MACROD2: variants seen among roughly 807,000 people sequenced by gnomAD.
The protein encoded by MACROD2 is ADP-ribose glycohydrolase MACROD2.
MACROD2 carries 36 observed loss-of-function variants against 70.4 expected under a neutral mutation model. That is an observed-to-expected ratio of 0.51 (90% CI 0.39 to 0.68). The LOEUF is 0.68. MACROD2 is among the 30% of genes least tolerant of loss of function. MACROD2 has a pLI of 0.00. For synonymous variants in MACROD2, 172 were observed against 178.8 expected (o/e 0.96, Z 0.30); for missense variants, 496 against 538.4 (o/e 0.92, Z 0.78).
chr20:15,369,806 TCAAA>T (rs571432091), intron 6 of MACROD2, among the ~76,000 whole-genome samples: 176 of 152,210 alleles, frequency 1.2e-3, no homozygotes, highest in African/African-American at 4.1e-3. Context: ...TTCTTTTTCC[TCAAA>T]CAAACAAATC....
intron 5 of MACROD2, among the ~76,000 whole-genome samples, chr20:14,705,023 T>C (rs1028916653): frequency 6.6e-6 from 1 of 152,034 alleles, no homozygotes; most frequent in Non-Finnish European, 1.5e-5. Context: ...ATTCAGATAG[T>C]AAAATGATTA....
chr20:14,816,703 T>C (rs747094782), intron 5 of MACROD2, among the ~76,000 whole-genome samples: 9 of 152,028 alleles, frequency 5.9e-5, no homozygotes, highest in Non-Finnish European at 1.2e-4. Flanking sequence ...TATGATACAA[T>C]TCAGCAAGGA....
rs557293953 is a variant in MACROD2 at position 15,951,712 on chromosome 20, C to T, written c.907+14168C>T. ...TTTTGAGAACAAACACAAATATGTG[C>T]AAGGCGATATTTCTCCCAGCCTGAC... On this transcript the variant is annotated intron_variant, in intron 12 of 17. Coordinates refer to ENST00000684519, the MANE Select transcript of MACROD2 (RefSeq NM_001351661.2). Among the ~76,000 whole-genome samples, 3 of 152,176 alleles carry T rather than the reference C, an allele frequency of 2.0e-5. No homozygotes were observed. In the South Asian group the frequency reaches 6.2e-4, roughly 32 times the overall value.
chr20:15,299,774 C>T (rs962206907), intron 6 of MACROD2, among the ~76,000 whole-genome samples: 1 of 152,160 alleles, frequency 6.6e-6, no homozygotes, highest in Non-Finnish European at 1.5e-5. Context: ...TAGCAGGACC[C>T]AGTTTGAGAT....
At chr20:15,661,721 A>C (rs561866439) in intron 8 of MACROD2, among the ~76,000 whole-genome samples, 32 of 152,280 alleles carry the variant, frequency 2.1e-4, no homozygotes, top group African/African-American at 7.7e-4. Flanking sequence ...CCACATCAAA[A>C]AATTGTCTGC....
chr20:15,270,193 G>A (rs6034140), intron 6 of MACROD2, among the ~76,000 whole-genome samples: 1,505 of 145,504 alleles, frequency 0.01, 22 homozygotes, highest in African/African-American at 0.036. Context: ...AAGTGTTTTC[G>A]GTCGCTTTAT....
chr20:15,632,711 G>A (rs1568941246), intron 8 of MACROD2, among the ~76,000 whole-genome samples: 1 of 152,060 alleles, frequency 6.6e-6, no homozygotes, highest in Non-Finnish European at 1.5e-5. Flanking sequence ...TCTTAGAATG[G>A]GGTCTGTCTT....
intron 3 of MACROD2, among the ~76,000 whole-genome samples, chr20:14,470,960 C>T (rs1474813831): frequency 6.6e-6 from 1 of 152,152 alleles, no homozygotes; most frequent in East Asian, 1.9e-4. Context: ...ATTCGAGGTG[C>T]CACTGGGGTA....
intron 8 of MACROD2, among the ~76,000 whole-genome samples, chr20:15,557,873 T>C (rs1600587093): frequency 6.6e-6 from 1 of 152,076 alleles, no homozygotes; most frequent in African/African-American, 2.4e-5. Flanking sequence ...CCTTTGTTCA[T>C]CCCCAGCCAT....
chr20:15,837,049 A>C (rs1330823457), intron 8 of MACROD2, among the ~76,000 whole-genome samples: 2 of 152,174 alleles, frequency 1.3e-5, no homozygotes, highest in African/African-American at 4.8e-5. Context: ...AGCTGTGTGC[A>C]CCAGCACACA....
At chr20:14,803,477 T>G (rs1171362388) in intron 5 of MACROD2, among the ~76,000 whole-genome samples, 1 of 151,956 alleles carries the variant, frequency 6.6e-6, no homozygotes, top group Non-Finnish European at 1.5e-5. Flanking sequence ...TATAGTATAT[T>G]TTGTTCTTTT....
chr20:15,064,648 A>G (rs895494933), intron 5 of MACROD2, among the ~76,000 whole-genome samples: 11 of 152,186 alleles, frequency 7.2e-5, no homozygotes, highest in African/African-American at 2.7e-4. Flanking sequence ...CACTCCACGC[A>G]TAGCAATCTC....
At chr20:14,027,024 GTCGACAGACACC>G (rs1241611551) in intron 2 of MACROD2, among the ~76,000 whole-genome samples, 1 of 152,198 alleles carries the variant, frequency 6.6e-6, no homozygotes, top group African/African-American at 2.4e-5. Flanking sequence ...CCCAGCAGGG[GTCGACAGACACC>G]TCATACAGGA....
At chr20:14,097,809 A>G (rs1183974069) in intron 3 of MACROD2, among the ~76,000 whole-genome samples, 8 of 152,214 alleles carry the variant, frequency 5.3e-5, no homozygotes, top group Non-Finnish European at 1.2e-4. Context: ...TTATGTTCAT[A>G]TACACCTTAT....
chr20:15,355,478 T>C (rs1195222601), intron 6 of MACROD2, among the ~76,000 whole-genome samples: 1 of 152,228 alleles, frequency 6.6e-6, no homozygotes, highest in African/African-American at 2.4e-5. Flanking sequence ...AGCACATCAA[T>C]GCATACACCA....
chr20:15,460,609 C>T (rs1372205497), intron 7 of MACROD2, among the ~76,000 whole-genome samples: 1 of 152,178 alleles, frequency 6.6e-6, no homozygotes, highest in Non-Finnish European at 1.5e-5. Context: ...GTAGCTGCTT[C>T]CTGCTTTGAC....
chr20:14,160,207 T>C (rs935374284), intron 3 of MACROD2, among the ~76,000 whole-genome samples: 13 of 152,198 alleles, frequency 8.5e-5, no homozygotes, highest in African/African-American at 3.1e-4. Context: ...TTTCTCCGGT[T>C]TTGGAATCAG....
chr20:14,928,931 A>G (rs1445405884), intron 5 of MACROD2, among the ~76,000 whole-genome samples: 1 of 152,118 alleles, frequency 6.6e-6, no homozygotes, highest in Admixed American at 6.6e-5. Flanking sequence ...AGTCAGCCAT[A>G]TTTGTTGCTT....
At chr20:14,747,821 G>A (rs1300204842) in intron 5 of MACROD2, among the ~76,000 whole-genome samples, 1 of 151,668 alleles carries the variant, frequency 6.6e-6, no homozygotes, top group African/African-American at 2.4e-5. Flanking sequence ...TCAAATGGAA[G>A]AGAAAGTGAA....
Sources: gnomAD v4.1 joint callset for allele counts (sites outside exome capture counted in the v4.1 genomes callset) on GRCh38, gnomAD v4.1.1 for gene constraint, MANE v1.5 for transcripts, NCBI Gene and HGNC (gene_info 2026-07-23, HGNC 2026-07-21) for gene names.